CAST: variants seen among roughly 807,000 people sequenced by gnomAD.
The protein encoded by CAST is calpastatin, also known as MIR583 host.
A neutral mutation model predicts 119.6 loss-of-function variants in CAST; 76 were observed. That is an observed-to-expected ratio of 0.64 (90% CI 0.53 to 0.77). CAST has a LOEUF of 0.77. CAST is among the 30% of genes least tolerant of loss of function. The pLI, the probability that CAST is intolerant of heterozygous loss-of-function variation, is 0.00. For synonymous variants in CAST, 319 were observed against 331.6 expected (o/e 0.96, Z 0.41); for missense variants, 953 against 946.5 (o/e 1.01, Z -0.09).
At chr5:96,361,714 T>G in the CAST span, among the ~76,000 whole-genome samples, 12 of 150,092 alleles carry the variant, frequency 8.0e-5, no homozygotes, top group Non-Finnish European at 1.8e-4. Context: ...GTTGGAAATG[T>G]GGAAATCATC....
intron 1 of CAST, among the ~76,000 whole-genome samples, chr5:96,573,871 G>C (rs2150187710): frequency 6.6e-6 from 1 of 152,256 alleles, no homozygotes; most frequent in Middle Eastern, 3.4e-3. Context: ...GAATCATATA[G>C]TATATTCTTT....
chr5:96,673,840 A>G (rs1750395143), intron 1 of CAST, among the ~76,000 whole-genome samples: 2 of 152,212 alleles, frequency 1.3e-5, no homozygotes, highest in Non-Finnish European at 2.9e-5. Flanking sequence ...GCCCTCAACT[A>G]TGTACAAACA....
chr5:96,495,096 G>GCCT, the CAST span, among the ~76,000 whole-genome samples: 1 of 145,606 alleles, frequency 6.9e-6, no homozygotes, highest in Admixed American at 6.9e-5. Flanking sequence ...TTGCACTCCA[G>GCCT]CCTGGGCGTC....
At chr5:96,770,404 C>T (rs77424670) in intron 29 of CAST, 127 bp from the exon 30 acceptor site, 6 of 619,896 alleles carry the variant, frequency 9.7e-6, no homozygotes, top group South Asian at 1.9e-5. Flanking sequence ...GAAAAAACAC[C>T]CAAAGTCTTC....
At chr5:96,168,171 G>A in the CAST span, among the ~76,000 whole-genome samples, 9,559 of 152,178 alleles carry the variant, frequency 0.063, 1,000 homozygotes, top group African/African-American at 0.21. Flanking sequence ...GGTGGGAGTG[G>A]CCAGATGAGA....
At chr5:96,108,768 G>C in the CAST span, among the ~76,000 whole-genome samples, 3 of 152,226 alleles carry the variant, frequency 2.0e-5, no homozygotes, top group Non-Finnish European at 4.4e-5. Flanking sequence ...GGAGCTTGCC[G>C]GCTGCTTTGT....
Position 96,771,715 on chromosome 5 carries a change from T to C in CAST, c.*23+13T>C. On this transcript the variant is annotated intron_variant, in intron 31 of 31. Coordinates refer to ENST00000675179, the MANE Select transcript of CAST (RefSeq NM_001750.7). Reference sequence around the variant, plus strand: ...GTTAAGGTATCTGGTAAGTTGGGTGTTTATTTGTAAATGAAGACAACTGTA... The same window carrying C: ...GTTAAGGTATCTGGTAAGTTGGGTGCTTATTTGTAAATGAAGACAACTGTA... The C allele has an allele frequency of 6.4e-7, 1 of 1,558,876 alleles. No homozygotes were observed. Among genetic ancestry groups the C allele is most frequent in the Non-Finnish European group, 8.8e-7 (1 of 1,131,982 alleles).
the CAST span, among the ~76,000 whole-genome samples, chr5:96,437,413 C>T: frequency 6.6e-6 from 1 of 152,128 alleles, no homozygotes; most frequent in South Asian, 2.1e-4. Context: ...TTAAAATATG[C>T]ATTTACTGAG....
intron 1 of CAST, among the ~76,000 whole-genome samples, chr5:96,612,882 C>T (rs1311194897): frequency 6.6e-6 from 1 of 152,136 alleles, no homozygotes; most frequent in African/African-American, 2.4e-5. Flanking sequence ...TACATACACA[C>T]ATATATACAT....
the CAST span, among the ~76,000 whole-genome samples, chr5:96,292,101 A>T: frequency 6.6e-6 from 1 of 152,180 alleles, no homozygotes; most frequent in African/African-American, 2.4e-5. Context: ...ACACTGGAAG[A>T]AAAAAGACGC....
chr5:96,427,005 A>G, the CAST span, among the ~76,000 whole-genome samples: 19 of 152,216 alleles, frequency 1.2e-4, no homozygotes, highest in Non-Finnish European at 2.6e-4. Flanking sequence ...AAATACCTCA[A>G]TGCTTGGAAT....
chr5:96,496,038 T>A, the CAST span, among the ~76,000 whole-genome samples: 1 of 152,182 alleles, frequency 6.6e-6, no homozygotes. Context: ...TATTTTCATA[T>A]GTGATAAAAA....
At chr5:96,597,753 AG>A (rs1281292910) in intron 1 of CAST, among the ~76,000 whole-genome samples, 3 of 152,146 alleles carry the variant, frequency 2.0e-5, no homozygotes, top group Non-Finnish European at 4.4e-5. Context: ...CCTCTATGCA[AG>A]GACATTCATA....
chr5:96,702,774 C>T (rs1396400295), intron 3 of CAST: 1 of 985,382 alleles, frequency 1.0e-6, no homozygotes, highest in South Asian at 4.7e-5. Flanking sequence ...TCCTGCGTCG[C>T]CTTCCCGGGA....
chr5:96,446,974 A>G, the CAST span, among the ~76,000 whole-genome samples: 1,358 of 152,322 alleles, frequency 8.9e-3, 19 homozygotes, highest in African/African-American at 0.031. Context: ...CTAAGTACTC[A>G]ACAAACAGAA....
chr5:96,374,361 A>G, the CAST span, among the ~76,000 whole-genome samples: 1 of 152,222 alleles, frequency 6.6e-6, no homozygotes, highest in Non-Finnish European at 1.5e-5. Context: ...GACATTCCAG[A>G]AAGAAAACCT....
At chr5:96,535,417 G>A (rs1454137889) in intron 1 of CAST, among the ~76,000 whole-genome samples, 1 of 152,098 alleles carries the variant, frequency 6.6e-6, no homozygotes, top group Non-Finnish European at 1.5e-5. Flanking sequence ...ATGTTATTTA[G>A]AAATATGGAG....
At chr5:96,088,548 T>C in the CAST span, among the ~76,000 whole-genome samples, 1 of 152,246 alleles carries the variant, frequency 6.6e-6, no homozygotes, top group African/African-American at 2.4e-5. Flanking sequence ...GCCTGGATCC[T>C]ACAAGTTGGA....
the CAST span, among the ~76,000 whole-genome samples, chr5:96,136,590 G>A: frequency 6.6e-6 from 1 of 152,092 alleles, no homozygotes; most frequent in Non-Finnish European, 1.5e-5. Flanking sequence ...ATAAAACAAG[G>A]AAATGTATCT....
Sources: gnomAD v4.1 joint callset for allele counts (sites outside exome capture counted in the v4.1 genomes callset) on GRCh38, gnomAD v4.1.1 for gene constraint, MANE v1.5 for transcripts, NCBI Gene and HGNC (gene_info 2026-07-23, HGNC 2026-07-21) for gene names.